Variants in PPM1H observed in about 807,000 individuals in gnomAD.
The protein encoded by PPM1H is protein phosphatase, Mg2+/Mn2+ dependent 1H, also known as protein phosphatase 1H.
A neutral mutation model predicts 54.9 loss-of-function variants in PPM1H; 27 were observed. That is an observed-to-expected ratio of 0.49 (90% CI 0.36 to 0.68). The LOEUF is 0.68. Among genes scored for constraint, PPM1H ranks in the 30% least tolerant of loss-of-function variants. PPM1H has a pLI of 0.00. For missense variants in PPM1H, 596 were observed against 667.8 expected (o/e 0.89, Z 1.19); for synonymous variants, 305 against 270.8 (o/e 1.13, Z -1.24).
chr12:62,904,843 T>C (rs1871260857), intron 1 of PPM1H, among the ~76,000 whole-genome samples: 1 of 152,220 alleles, frequency 6.6e-6, no homozygotes, highest in African/African-American at 2.4e-5. Context: ...ATATGAAATA[T>C]TAATTTCTTA....
chr12:62,789,872 G>T (rs377005263), intron 3 of PPM1H, among the ~76,000 whole-genome samples: 1 of 152,206 alleles, frequency 6.6e-6, no homozygotes, highest in Non-Finnish European at 1.5e-5. Context: ...CTGTGTTAGC[G>T]ATAGAAGCAA....
intron 5 of PPM1H, among the ~76,000 whole-genome samples, chr12:62,731,036 C>G (rs2076317886): frequency 6.6e-6 from 1 of 152,150 alleles, no homozygotes; most frequent in African/African-American, 2.4e-5. Flanking sequence ...AAGAACCGAG[C>G]TTGTATATAT....
At chr12:62,655,408 C>A (rs1210596329) in intron 9 of PPM1H, among the ~76,000 whole-genome samples, 1 of 152,194 alleles carries the variant, frequency 6.6e-6, no homozygotes, top group Non-Finnish European at 1.5e-5. Flanking sequence ...GCTTCTCCTG[C>A]CCCCATTGTA....
chr12:62,826,923 C>T (rs1868297541), intron 2 of PPM1H, among the ~76,000 whole-genome samples: 1 of 152,174 alleles, frequency 6.6e-6, no homozygotes, highest in Non-Finnish European at 1.5e-5. Context: ...TTTCTTATCA[C>T]TGTGTGGCCC....
chr12:62,756,025 G>A (rs186421012), intron 4 of PPM1H: 22 of 1,415,462 alleles, frequency 1.6e-5, no homozygotes, highest in East Asian at 2.3e-5. Flanking sequence ...GCAGGCGTCC[G>A]AGACCCCCTC....
intron 8 of PPM1H, among the ~76,000 whole-genome samples, chr12:62,684,390 C>T (rs1261079361): frequency 1.3e-5 from 2 of 152,188 alleles, no homozygotes; most frequent in Non-Finnish European, 2.9e-5. Flanking sequence ...ATTTTTCCAG[C>T]GCCTTGTGTT....
chr12:62,682,874 T>C (rs1358830977), intron 8 of PPM1H, among the ~76,000 whole-genome samples: 2 of 150,434 alleles, frequency 1.3e-5, no homozygotes, highest in African/African-American at 4.9e-5. Flanking sequence ...CAGGCTGGGG[T>C]GCAGTGGCAC....
At chr12:62,801,741 C>T in intron 3 of PPM1H, 75 bp downstream of exon 3, 1 of 1,499,814 alleles carries the variant, frequency 6.7e-7, no homozygotes, top group Non-Finnish European at 9.1e-7. Flanking sequence ...TTCTGGGAGC[C>T]CTCCAGGAAG....
At chr12:62,904,581 G>A (rs1871253173) in intron 1 of PPM1H, among the ~76,000 whole-genome samples, 1 of 152,116 alleles carries the variant, frequency 6.6e-6, no homozygotes, top group African/African-American at 2.4e-5. Flanking sequence ...TAGACAGAAC[G>A]GTGCCATATG....
In PPM1H at chr12:62,891,023, C is replaced by A. The variant is rs530372751; in HGVS notation, c.245+43469G>T. Among the ~76,000 whole-genome samples the A allele has an allele frequency of 1.4e-3, 211 of 147,170 alleles. 2 individuals are homozygous for A. Among genetic ancestry groups the A allele is most frequent in the Non-Finnish European group, 2.7e-3 (182 of 67,500 alleles). ...ACTTGGGATGCTGAGACAGGAGAAT[C>A]GCTTGATCCCAGGAGGTGGAGGTTG... On this transcript the variant is annotated intron_variant, in intron 1 of 9. Transcript: ENST00000228705.
chr12:62,828,331 G>A (rs2120842379), intron 2 of PPM1H, among the ~76,000 whole-genome samples: 1 of 152,182 alleles, frequency 6.6e-6, no homozygotes, highest in Admixed American at 6.5e-5. Context: ...AGGCTTTACA[G>A]TATTTCTGCT....
rs774874887 is a variant in PPM1H at position 62,802,081 on chromosome 12, C to G, written c.491G>C (p.Arg164Pro). The G allele has an allele frequency of 6.2e-7, 1 of 1,611,890 alleles. No individual in the cohort carries two copies. Among genetic ancestry groups the G allele is most frequent in the East Asian group, 2.2e-5 (1 of 44,836 alleles). ...AGSGAAVVASRLLQHHITEQL... is the reference protein window; with the variant it reads ...AGSGAAVVASPLLQHHITEQL... ...CTCCGTGATGTGGTGCTGCAGCAGGCGTGACGCCACCACCGCGGCCCCGGA... is the reference window on the plus strand; with the variant it reads ...CTCCGTGATGTGGTGCTGCAGCAGGGGTGACGCCACCACCGCGGCCCCGGA... Residue 164 changes from arginine (R) to proline (P), a missense_variant, in exon 3 of 10, where the codon CGC becomes CCC. By Grantham distance (103) the Arg-to-Pro change is moderately radical (BLOSUM62 -2). Around this residue, in one of 3 missense-constraint regions of PPM1H, gnomAD observed 382 missense variants for 387.1 expected, o/e 0.99. Transcript: ENST00000228705.
chr12:62,793,340 G>A (rs138108307), intron 3 of PPM1H, among the ~76,000 whole-genome samples: 93 of 152,172 alleles, frequency 6.1e-4, no homozygotes, highest in Admixed American at 2.4e-3. Context: ...ACATTTAAGC[G>A]AGGTTAATCT....
intron 2 of PPM1H, among the ~76,000 whole-genome samples, chr12:62,803,093 A>C (rs1188362447): frequency 6.6e-6 from 1 of 152,196 alleles, no homozygotes; most frequent in Non-Finnish European, 1.5e-5. Context: ...CTAGACAGCC[A>C]GTCTAGCCCA....
chr12:62,794,573 G>A (rs905907038), intron 3 of PPM1H, among the ~76,000 whole-genome samples: 5 of 152,210 alleles, frequency 3.3e-5, no homozygotes, highest in Admixed American at 1.3e-4. Context: ...ATAGAACTCT[G>A]AGATCCTCCC....
At chr12:62,865,582 C>T (rs918023764) in intron 1 of PPM1H, among the ~76,000 whole-genome samples, 9 of 152,156 alleles carry the variant, frequency 5.9e-5, no homozygotes, top group African/African-American at 1.4e-4. Flanking sequence ...ACTTAACCTC[C>T]GTCTCCCGGG....
intron 5 of PPM1H, among the ~76,000 whole-genome samples, chr12:62,731,981 T>C (rs1244726991): frequency 6.6e-6 from 1 of 152,192 alleles, no homozygotes; most frequent in African/African-American, 2.4e-5. Flanking sequence ...CCTTCCCTCC[T>C]ATCTGAGCCT....
chr12:62,755,087 G>A, intron 4 of PPM1H: 1 of 363,422 alleles, frequency 2.8e-6, no homozygotes, highest in South Asian at 2.2e-5. Flanking sequence ...GATCGTCTTT[G>A]GATGGTGAGA....
rs539518283 is a variant in PPM1H, at chr12:62,801,774, G to A, written c.756+42C>T. 6.9e-6 allele frequency: 11 copies of A among 1,601,128 alleles called. No individual in the cohort carries two copies. The South Asian group carries it at 8.9e-5, about 13-fold the overall frequency. Reference sequence around the variant, plus strand: ...AAGGACGGACAGACCTGGCGCAGGCGCCAGCCTGGCCCTGCTGCCCCAGAC... The same window carrying A: ...AAGGACGGACAGACCTGGCGCAGGCACCAGCCTGGCCCTGCTGCCCCAGAC... On this transcript the variant is annotated intron_variant, in intron 3 of 9. Coordinates refer to ENST00000228705, the MANE Select transcript of PPM1H (RefSeq NM_020700.2).
Sources: gnomAD v4.1 joint callset for allele counts (sites outside exome capture counted in the v4.1 genomes callset) on GRCh38, gnomAD v4.1.1 for gene constraint, gnomAD v4.1.1 regional missense constraint, MANE v1.5 for transcripts, NCBI Gene and HGNC (gene_info 2026-07-23, HGNC 2026-07-21) for gene names.